CFAP74: variants seen among roughly 807,000 people sequenced by gnomAD.
The protein encoded by CFAP74 is cilia- and flagella-associated protein 74.
In CFAP74, 124 loss-of-function variants were observed where a neutral mutation model predicts 188.9. The observed-to-expected ratio is 0.66, with a 90% confidence interval of 0.57 to 0.76. The LOEUF is 0.76. CFAP74 is among the 30% of genes least tolerant of loss of function. The pLI is 0.00. For missense variants in CFAP74, 2,198 were observed against 2,165.2 expected (o/e 1.02, Z -0.30); for synonymous variants, 956 against 916.7 (o/e 1.04, Z -0.77).
intron 26 of CFAP74, among the ~76,000 whole-genome samples, chr1:1,929,496 G>A (rs929809864): frequency 6.7e-5 from 10 of 149,548 alleles, no homozygotes; most frequent in Non-Finnish European, 1.2e-4. Flanking sequence ...AACCATCACC[G>A]AGTGGCTTTC....
intron 18 of CFAP74, among the ~76,000 whole-genome samples, chr1:1,949,828 C>T (rs1243448226): frequency 6.6e-6 from 1 of 152,158 alleles, no homozygotes; most frequent in Non-Finnish European, 1.5e-5. Context: ...TGAGACTGGT[C>T]CACGGCACTG....
rs187174259 is a variant in CFAP74 at position 1,945,593 on chromosome 1, C to T, written c.2364+724G>A. On this transcript the variant is annotated intron_variant, in intron 20 of 38. Transcript: ENST00000682832. ...CTGTAATCCCAGCACTTTGGGAGGCCGAGGCGGGCGGATCACTTGAGGTCA... is the reference window on the plus strand; with the variant it reads ...CTGTAATCCCAGCACTTTGGGAGGCTGAGGCGGGCGGATCACTTGAGGTCA... Among the ~76,000 whole-genome samples the T allele has an allele frequency of 1.3e-4, 20 of 151,978 alleles. No homozygotes were observed. The East Asian group carries it at 1.6e-3, about 12-fold the overall frequency.
At chr1:1,944,542 G>A (rs998920026) in intron 20 of CFAP74, 90 bp from the exon 21 acceptor site, 35 of 1,354,368 alleles carry the variant, frequency 2.6e-5, no homozygotes, top group Non-Finnish European at 3.1e-5. Context: ...CAGGAGGAAC[G>A]TTTCATGGGC....
intron 16 of CFAP74, among the ~76,000 whole-genome samples, chr1:1,957,398 C>T (rs766881556): frequency 6.6e-6 from 1 of 152,342 alleles, no homozygotes; most frequent in South Asian, 2.1e-4. Flanking sequence ...CGCAAATGGA[C>T]GTGGTTCGCA....
intron 6 of CFAP74, among the ~76,000 whole-genome samples, chr1:1,974,469 G>C (rs1656310009): frequency 1.3e-5 from 2 of 152,182 alleles, no homozygotes; most frequent in South Asian, 4.1e-4. Flanking sequence ...GCCTGAGGCT[G>C]TGTCCGTTGG....
Position 1,923,079 on chromosome 1 carries a change from T to C in CFAP74, c.4589A>G (p.Asp1530Gly), listed in dbSNP as rs1269113277. ...CGTGTCTGTGTCAAACTGGATGTAG[T>C]CCAGGGTCACCAGGATGGGCCTCAG... ...EELRPILVTLDYIQFDTDTPA... is the reference protein window; with the variant it reads ...EELRPILVTLGYIQFDTDTPA... Residue 1530 changes from aspartate to glycine, a missense_variant, in exon 37 of 39, where the codon GAC (aspartate) becomes GGC (glycine). Asp to Gly is a moderately conservative substitution (Grantham distance 94). Transcript: ENST00000682832. The surrounding 1 kb of genome is among the most constrained non-coding windows in gnomAD (Gnocchi z 6.3). The C allele has an allele frequency of 6.2e-7, 1 of 1,610,070 alleles. No individual in the cohort carries two copies. The highest frequency in any genetic ancestry group is 8.5e-7 in the Non-Finnish European group (1 of 1,179,252).
chr1:1,956,593 TCCC>T (rs746919414), intron 17 of CFAP74, 24 bp downstream of exon 17: 79 of 1,613,026 alleles, frequency 4.9e-5, no homozygotes, highest in Non-Finnish European at 6.0e-5. Flanking sequence ...GTCCCCACAC[TCCC>T]CCATGGCTGA....
intron 18 of CFAP74, among the ~76,000 whole-genome samples, chr1:1,948,106 T>C (rs924334715): frequency 4.0e-5 from 6 of 151,708 alleles, no homozygotes; most frequent in East Asian, 1.9e-4. Context: ...CTCCTGACCT[T>C]GTGATCTGCC....
In CFAP74 at chr1:1,986,946, G is replaced by C. The variant is rs750018064; in HGVS notation, c.386C>G (p.Ala129Gly). 1 of 1,600,998 alleles carries C rather than the reference G, an allele frequency of 6.2e-7. No individual in the cohort carries two copies. The highest frequency in any genetic ancestry group is 8.5e-7 in the Non-Finnish European group (1 of 1,179,384). ...GGCGAGGGCCACCTACATGTTGCCC[G>C]CCTCTTCCTCTGTGGCGATCTCGGC... is the stretch of plus-strand genomic sequence containing the variant. ...VAAEIATEEE[A>G]GNMAAVGRLQ... The change falls in exon 5 of 39, where the codon GCG (alanine) becomes GGG (glycine). Residue 129 changes from alanine to glycine, a missense_variant. Physicochemically the swap from Ala to Gly is moderately conservative, Grantham distance 60. Coordinates refer to ENST00000682832, the MANE Select transcript of CFAP74 (RefSeq NM_001304360.2).
rs1354844122 is a variant in CFAP74, at chr1:1,973,072, G to A, written c.675-25C>T. On this transcript the variant is annotated intron_variant, in intron 7 of 38. Coordinates refer to ENST00000682832, the MANE Select transcript of CFAP74 (RefSeq NM_001304360.2). The surrounding 1 kb of genome is among the most constrained non-coding windows in gnomAD (Gnocchi z 6.2). ...CCTGTGGGGATATGGGGCCGTCAGA[G>A]GGAAACTCGGCATCACACGTCCCAT... 7 of 1,558,558 alleles carry A rather than the reference G, an allele frequency of 4.5e-6. No individual in the cohort carries two copies. The highest frequency in any genetic ancestry group is 1.7e-5 in the Admixed American group (1 of 58,746).
rs55709963 is a variant in CFAP74, at chr1:1,968,893, A to G, written c.1047-60T>C. On this transcript the variant is annotated intron_variant, in intron 10 of 38. Coordinates refer to ENST00000682832, the MANE Select transcript of CFAP74 (RefSeq NM_001304360.2). This position sits in a 1 kb window ranked among gnomAD's most constrained non-coding sequence, Gnocchi z 4.3. ...GTCCCCTGCCTCCACCTTGCCCCAG[A>G]TGAGACAGTGCCCGGCGGCCCCTCC... The G allele has an allele frequency of 0.22, 339,731 of 1,543,544 alleles. 38,681 individuals carry two copies. Among genetic ancestry groups the G allele is most frequent in the East Asian group, 0.26 (11,530 of 44,296 alleles).
At chr1:1,954,927 C>G (rs1029346280) in intron 18 of CFAP74, 1 of 1,193,500 alleles carries the variant, frequency 8.4e-7, no homozygotes, top group African/African-American at 1.6e-5. Context: ...ACAGTGTGTA[C>G]CACGAACGCT....
At chr1:1,976,420 C>T (rs760142490) in intron 6 of CFAP74, among the ~76,000 whole-genome samples, 12 of 152,314 alleles carry the variant, frequency 7.9e-5, no homozygotes, top group South Asian at 2.1e-4. Context: ...ATGGGAGACA[C>T]GGCTCCTTCC....
intron 18 of CFAP74, among the ~76,000 whole-genome samples, chr1:1,951,392 G>A (rs1267568597): frequency 3.3e-5 from 5 of 152,260 alleles, no homozygotes. Context: ...AATTGTTATG[G>A]CCTCACTTGT....
chr1:1,946,372 G>C lies in CFAP74; in HGVS notation c.2309C>G (p.Pro770Arg). 2.0e-6 allele frequency: 3 copies of C among 1,537,006 alleles called. No homozygotes were observed. Among genetic ancestry groups the C allele is most frequent in the Non-Finnish European group, 2.6e-6 (3 of 1,146,870 alleles). The change falls in exon 20 of 39, where the codon CCA (proline) becomes CGA (arginine). Residue 770 changes from proline (P) to arginine (R), a missense_variant. Physicochemically the swap from Pro to Arg is moderately radical, Grantham distance 103. Coordinates refer to ENST00000682832, the MANE Select transcript of CFAP74 (RefSeq NM_001304360.2). The part of the protein sequence containing the change: ...KVPIVFTPVV[P>R]GDVQARFKVT... ...TTTGAACCTGGCTTGGACGTCGCCTGGGACGACCGGAGTGAAGACGATGGG... is the reference window on the plus strand; with the variant it reads ...TTTGAACCTGGCTTGGACGTCGCCTCGGACGACCGGAGTGAAGACGATGGG...
rs1557981297 is a variant in CFAP74, at chr1:1,924,377, C to T, written c.4234+14G>A. On this transcript the variant is annotated intron_variant, in intron 34 of 38. Transcript: ENST00000682832. Reference sequence around the variant, plus strand: ...CCCCCGCAGCTCACCACCCACCCCCCACCCCCCGCTCACCGACCACCTCCG... The same window carrying T: ...CCCCCGCAGCTCACCACCCACCCCCTACCCCCCGCTCACCGACCACCTCCG... 4.0e-6 allele frequency: 2 copies of T among 494,170 alleles called. No individual in the cohort carries two copies. The highest frequency in any genetic ancestry group is 2.0e-5 in the South Asian group (1 of 49,618). The allele number at this position is 494,170 out of a possible 1,614,324, so 30.6% of individuals were successfully genotyped here. A position where few individuals can be genotyped will look rare whatever the true frequency, so the allele number is the denominator to read the frequency against.
Position 1,926,323 on chromosome 1 carries a change from T to C in CFAP74, c.3853A>G (p.Asn1285Asp), listed in dbSNP as rs1232731366. The C allele has an allele frequency of 1.3e-6, 2 of 1,547,856 alleles. No homozygotes were observed. Among genetic ancestry groups the C allele is most frequent in the East Asian group, 2.4e-5 (1 of 40,858 alleles). The change falls in exon 32 of 39, where the codon AAC becomes GAC. Residue 1285 changes from asparagine (N) to aspartate (D), a missense_variant. Physicochemically the swap from Asn to Asp is conservative, Grantham distance 23. Transcript: ENST00000682832. The stretch of plus-strand genomic sequence containing the variant: ...TGGTTCAGCAGGACAAAGGGGCCGT[T>C]GGGGTTCAGCAGGGAGAAGTCCAGC... ...LALDFSLLNP[N>D]GPFVLLNHSS...
intron 1 of CFAP74, among the ~76,000 whole-genome samples, chr1:1,994,958 C>A (rs996683561): frequency 6.6e-6 from 1 of 152,164 alleles, no homozygotes; most frequent in African/African-American, 2.4e-5. Context: ...GAGGCGCTGG[C>A]TGACCCTCTG....
rs1214022439 is a variant in CFAP74, at chr1:1,926,064, C to T, written c.3949-126G>A. The T allele has an allele frequency of 1.1e-5, 16 of 1,399,484 alleles. No individual in the cohort carries two copies. In the Admixed American group the frequency reaches 1.6e-4, roughly 14 times the overall value. The allele number at this position is 1,399,484 out of a possible 1,614,324, so 86.7% of individuals were successfully genotyped here. A position where few individuals can be genotyped will look rare whatever the true frequency, so the allele number is the denominator to read the frequency against. On this transcript the variant is annotated intron_variant, in intron 32 of 38. Transcript: ENST00000682832. ...AGCTCTGGGGGGGCTCTGTCAGCTC[C>T]GCTCACTTGGCGGCTGGTGTGAGGG...
Sources: allele counts gnomAD v4.1 joint callset (sites outside exome capture counted in the v4.1 genomes callset), GRCh38; gene constraint gnomAD v4.1.1; non-coding constraint Gnocchi (gnomAD v3.1); transcripts MANE v1.5; gene names NCBI Gene and HGNC (gene_info 2026-07-23, HGNC 2026-07-21).